The following CSMD1 variants were observed in gnomAD, a reference collection of about 807,000 sequenced individuals.
CSMD1 encodes CUB and sushi domain-containing protein 1.
A neutral mutation model predicts 417.5 loss-of-function variants in CSMD1; 213 were observed. The observed-to-expected ratio is 0.51, with a 90% CI of 0.46 to 0.57. The LOEUF (loss-of-function observed/expected upper bound fraction) is 0.57. CSMD1 is among the 20% of genes least tolerant of loss of function. CSMD1 has a pLI of 0.00. For synonymous variants in CSMD1, 2,862 were observed against 1,736.8 expected, an observed-to-expected ratio of 1.65 and a Z score of -16.11; for missense variants, 6,923 against 4,529.7, an observed-to-expected ratio of 1.53 and a Z score of -15.17.
At chr8:4,213,080 TGGAAGAATATAGATGCTTCA>T (rs1183744318) in intron 3 of CSMD1, among the ~76,000 whole-genome samples, 20 of 152,190 alleles carry the variant, frequency 1.3e-4, no homozygotes, top group African/African-American at 4.8e-4. Context: ...ATGTCTAAGA[TGGAAGAATATAGATGCTTCA>T]CCCAGTGGAG....
At chr8:4,479,767 C>T (rs1056806015) in intron 2 of CSMD1, among the ~76,000 whole-genome samples, 2 of 151,826 alleles carry the variant, frequency 1.3e-5, no homozygotes, top group African/African-American at 4.8e-5. Context: ...GAAGCTAATT[C>T]TCTACTGAGA....
chr8:4,597,065 G>A (rs1017468334), intron 2 of CSMD1, among the ~76,000 whole-genome samples: 3 of 151,916 alleles, frequency 2.0e-5, no homozygotes, highest in Non-Finnish European at 2.9e-5. Flanking sequence ...CCTGCCTTGG[G>A]TATGTCTTTT....
intron 7 of CSMD1, among the ~76,000 whole-genome samples, chr8:3,697,622 G>A (rs1485974999): frequency 6.6e-6 from 1 of 151,978 alleles, no homozygotes; most frequent in Non-Finnish European, 1.5e-5. Context: ...ACTGCTGCTG[G>A]AATTGTTTTG....
intron 4 of CSMD1, among the ~76,000 whole-genome samples, chr8:4,005,132 T>C (rs2554668): frequency 6.6e-6 from 1 of 151,858 alleles, no homozygotes; most frequent in African/African-American, 2.4e-5. Flanking sequence ...TTTGGAGATT[T>C]GGGGGGAAGA....
At chr8:3,758,775 C>G (rs902725677) in intron 5 of CSMD1, among the ~76,000 whole-genome samples, 7 of 152,184 alleles carry the variant, frequency 4.6e-5, no homozygotes, top group African/African-American at 1.7e-4. Context: ...GTCAATGTGT[C>G]ACCTGACATG....
intron 1 of CSMD1, among the ~76,000 whole-genome samples, chr8:4,870,615 A>G (rs1286683527): frequency 6.6e-6 from 1 of 152,094 alleles, no homozygotes; most frequent in Non-Finnish European, 1.5e-5. Flanking sequence ...TGGATACTTT[A>G]TTAGGAGGTA....
At chr8:4,609,038 T>A (rs553371095) in intron 2 of CSMD1, among the ~76,000 whole-genome samples, 1 of 151,144 alleles carries the variant, frequency 6.6e-6, no homozygotes, top group African/African-American at 2.4e-5. Context: ...ACATGAAATC[T>A]GAGGAGTTGG....
intron 5 of CSMD1, among the ~76,000 whole-genome samples, chr8:3,988,741 C>T (rs770098137): frequency 9.2e-5 from 14 of 152,132 alleles, no homozygotes; most frequent in Non-Finnish European, 1.3e-4. Context: ...ACAAAGTTGA[C>T]GGACATATAC....
intron 1 of CSMD1, among the ~76,000 whole-genome samples, chr8:4,927,547 A>C (rs1294623022): frequency 1.3e-5 from 2 of 152,124 alleles, no homozygotes; most frequent in Non-Finnish European, 2.9e-5. Flanking sequence ...GGAAAGGGGC[A>C]ACAACTAGCA....
At chr8:4,537,363 G>C (rs1166553086) in intron 2 of CSMD1, among the ~76,000 whole-genome samples, 2 of 152,084 alleles carry the variant, frequency 1.3e-5, no homozygotes, top group Non-Finnish European at 2.9e-5. Flanking sequence ...TATAAAGAAA[G>C]TTGTGCTAAT....
At chr8:4,747,430 A>C (rs1478383158) in intron 1 of CSMD1, among the ~76,000 whole-genome samples, 1 of 152,208 alleles carries the variant, frequency 6.6e-6, no homozygotes. Context: ...GTGTGTTAAA[A>C]GGTGGTACTT....
At chr8:4,600,503 T>C (rs1026589016) in intron 2 of CSMD1, among the ~76,000 whole-genome samples, 1 of 152,300 alleles carries the variant, frequency 6.6e-6, no homozygotes, top group South Asian at 2.1e-4. Context: ...TAAATAAATA[T>C]ATACATCTGT....
chr8:4,057,914 C>A (rs1440792854), intron 3 of CSMD1, among the ~76,000 whole-genome samples: 1 of 151,772 alleles, frequency 6.6e-6, no homozygotes, highest in Admixed American at 6.6e-5. Context: ...GGTACCAGTA[C>A]CATGCTGTTT....
intron 6 of CSMD1, among the ~76,000 whole-genome samples, chr8:3,721,943 C>A (rs1026900281): frequency 6.6e-6 from 1 of 152,112 alleles, no homozygotes; most frequent in Admixed American, 6.5e-5. Flanking sequence ...CACAGGTGCA[C>A]CCAAGGCCGT....
intron 7 of CSMD1, among the ~76,000 whole-genome samples, chr8:3,662,734 C>T (rs1234383813): frequency 6.6e-6 from 1 of 151,938 alleles, no homozygotes; most frequent in Admixed American, 6.6e-5. Context: ...CAAACTGACA[C>T]AGGAACAGAA....
At chr8:3,990,186 G>C (rs1057257091) in intron 5 of CSMD1, among the ~76,000 whole-genome samples, 4 of 152,160 alleles carry the variant, frequency 2.6e-5, no homozygotes, top group Non-Finnish European at 5.9e-5. Context: ...CATACAAAAA[G>C]AAAGAAGTGT....
chr8:3,348,277 T>C, intron 21 of CSMD1, 116 bp from the exon 22 acceptor site: 1 of 694,446 alleles, frequency 1.4e-6, no homozygotes, highest in Non-Finnish European at 2.3e-6. Context: ...TGTGTGTTAG[T>C]AATATATTAT....
rs982583529 is a variant in CSMD1, at chr8:4,380,087, G to C, written c.415+39866C>G. ...TGAAGATAAATGATTGGGATAAAAA[G>C]TAAATGGGAGAAAAATAAAACAAAT... On this transcript the variant is annotated intron_variant, in intron 3 of 69. Transcript: ENST00000635120. 1.2e-4 allele frequency among the ~76,000 whole-genome samples: 18 copies of C among 152,338 alleles called. 1 individual carries two copies. Among genetic ancestry groups the C allele is most frequent in the Admixed American group, 8.5e-4 (13 of 15,300 alleles).
intron 10 of CSMD1, among the ~76,000 whole-genome samples, chr8:3,500,351 G>A (rs144325684): frequency 3.3e-5 from 5 of 152,258 alleles, no homozygotes; most frequent in Admixed American, 2.0e-4. Flanking sequence ...TTTCTAGATG[G>A]TACGTCAAGC....
Sources: gnomAD v4.1 joint callset for allele counts (sites outside exome capture counted in the v4.1 genomes callset) on GRCh38, gnomAD v4.1.1 for gene constraint, MANE v1.5 for transcripts, NCBI Gene and HGNC (gene_info 2026-07-23, HGNC 2026-07-21) for gene names.